EYS: variants seen among roughly 807,000 people sequenced by gnomAD.
EYS encodes the protein protein eyes shut homolog.
In EYS, 250 loss-of-function variants were observed where a neutral mutation model predicts 282.1. The observed-to-expected ratio is 0.89, with a 90% CI of 0.80 to 0.98. The LOEUF is 0.98. Ranked by LOEUF, EYS falls within the 50% of genes least tolerant of loss-of-function variation. The pLI is 0.00. For synonymous variants in EYS, 1,355 were observed against 1,282.9 expected (o/e 1.06, Z -1.20); for missense variants, 4,016 against 3,709.0 (o/e 1.08, Z -2.15).
chr6:64,399,778 C>A (rs1054572356), intron 28 of EYS, among the ~76,000 whole-genome samples: 4 of 151,858 alleles, frequency 2.6e-5, no homozygotes, highest in African/African-American at 9.7e-5. Flanking sequence ...ATCAAGATGA[C>A]TGAATTTTTG....
chr6:65,419,174 C>CG (rs1562167982), intron 5 of EYS, among the ~76,000 whole-genome samples: 1 of 151,570 alleles, frequency 6.6e-6, no homozygotes, highest in Non-Finnish European at 1.5e-5. Flanking sequence ...GTATAACTTA[C>CG]GGATGTATAA....
At chr6:65,385,701 C>T (rs1022111200) in intron 7 of EYS, among the ~76,000 whole-genome samples, 1 of 151,838 alleles carries the variant, frequency 6.6e-6, no homozygotes, top group African/African-American at 2.4e-5. Flanking sequence ...TAAGTTTGTC[C>T]TAACTTTAAG....
chr6:65,272,041 C>A (rs546087702), intron 12 of EYS, among the ~76,000 whole-genome samples: 14 of 152,168 alleles, frequency 9.2e-5, no homozygotes, highest in African/African-American at 3.4e-4. Flanking sequence ...TGTGTACATG[C>A]GCTTAAACTG....
At chr6:64,996,696 C>T (rs1771275561) in intron 14 of EYS, among the ~76,000 whole-genome samples, 3 of 152,188 alleles carry the variant, frequency 2.0e-5, no homozygotes, top group Non-Finnish European at 4.4e-5. Flanking sequence ...CATTAGGTAT[C>T]TGCAGTCCTT....
chr6:64,515,185 T>C (rs749444022), intron 26 of EYS, among the ~76,000 whole-genome samples: 6 of 151,840 alleles, frequency 4.0e-5, no homozygotes, highest in Middle Eastern at 3.4e-3. Context: ...CATTTTGTAA[T>C]AATATAGGCA....
Position 63,832,521 on chromosome 6 carries a change from C to A in EYS, c.7229-26149G>T, listed in dbSNP as rs552705050. 5.0e-4 allele frequency among the ~76,000 whole-genome samples: 76 copies of A among 152,086 alleles called. 1 individual carries two copies. The highest frequency in any genetic ancestry group is 6.8e-3 in the Middle Eastern group (2 of 294). ...CCCTCCCAACACTAAACCAGGAAGACGTTGAATCCCTGAATAGACCAATAA... is the reference window on the plus strand; with the variant it reads ...CCCTCCCAACACTAAACCAGGAAGAAGTTGAATCCCTGAATAGACCAATAA... On this transcript the variant is annotated intron_variant, in intron 36 of 42. Transcript: ENST00000503581.
At chr6:65,358,410 G>GT (rs1166428705) in intron 8 of EYS, among the ~76,000 whole-genome samples, 2 of 151,918 alleles carry the variant, frequency 1.3e-5, no homozygotes, top group African/African-American at 2.4e-5. Context: ...GGGACTTTCT[G>GT]TTTTTAAAAG....
At chr6:64,252,612 C>G (rs1767259249) in intron 30 of EYS, among the ~76,000 whole-genome samples, 1 of 152,168 alleles carries the variant, frequency 6.6e-6, no homozygotes. Context: ...CAAGCTGGTT[C>G]TGCCTCTTGA....
chr6:65,645,248 A>G (rs6906222), intron 1 of EYS, among the ~76,000 whole-genome samples: 34,221 of 152,062 alleles, frequency 0.23, 4,550 homozygotes, highest in African/African-American at 0.38. Context: ...GTTCATCAGC[A>G]TATGGAACAT....
At chr6:64,936,661 C>T (rs931453432) in intron 15 of EYS, among the ~76,000 whole-genome samples, 1 of 151,296 alleles carries the variant, frequency 6.6e-6, no homozygotes, top group African/African-American at 2.4e-5. Flanking sequence ...GGCATGAAGA[C>T]AATTCCATTT....
intron 29 of EYS, among the ~76,000 whole-genome samples, chr6:64,340,948 C>T (rs189346428): frequency 6.6e-6 from 1 of 151,684 alleles, no homozygotes; most frequent in African/African-American, 2.4e-5. Context: ...AAATGGCCAA[C>T]AAACATCTGA....
chr6:64,686,806 T>TATATATATAC (rs1770137953), intron 22 of EYS, among the ~76,000 whole-genome samples: 5 of 61,260 alleles, frequency 8.2e-5, no homozygotes, highest in African/African-American at 2.4e-4. Flanking sequence ...TATATATATG[T>TATATATATAC]GTGTATATAT....
At chr6:64,954,409 T>C (rs951935906) in intron 14 of EYS, among the ~76,000 whole-genome samples, 1 of 152,182 alleles carries the variant, frequency 6.6e-6, no homozygotes, top group Non-Finnish European at 1.5e-5. Context: ...ATCTTCCTTA[T>C]TGACTCAATT....
At chr6:65,393,129 A>T (rs1366104700) in intron 7 of EYS, among the ~76,000 whole-genome samples, 10 of 151,560 alleles carry the variant, frequency 6.6e-5, no homozygotes, top group Non-Finnish European at 1.3e-4. Context: ...CAATGAGAAC[A>T]CATGGACACA....
intron 13 of EYS, among the ~76,000 whole-genome samples, chr6:65,023,485 G>T (rs1044074916): frequency 3.3e-5 from 5 of 152,136 alleles, no homozygotes; most frequent in Non-Finnish European, 7.3e-5. Context: ...TGTTTTTGTT[G>T]TTGTTGAAGT....
intron 15 of EYS, among the ~76,000 whole-genome samples, chr6:64,920,446 CG>C (rs1306306896): frequency 7.2e-5 from 11 of 151,952 alleles, no homozygotes; most frequent in Admixed American, 3.3e-4. Context: ...TGTGTGTAAG[CG>C]GAAAATTGAT....
chr6:64,514,879 G>T (rs1777518016), intron 26 of EYS, among the ~76,000 whole-genome samples: 1 of 151,754 alleles, frequency 6.6e-6, no homozygotes, highest in Non-Finnish European at 1.5e-5. Context: ...AGTAAGAAAA[G>T]CATAAGGGTG....
At chr6:63,744,719 C>T (rs1424634975) in intron 41 of EYS, 1 of 170,778 alleles carries the variant, frequency 5.9e-6, no homozygotes, top group Admixed American at 6.6e-5. Context: ...GGGCGCCCAC[C>T]ACTACACCCG....
At chr6:63,806,434 G>A in intron 36 of EYS, 62 bp from the exon 37 acceptor site, 1 of 1,388,018 alleles carries the variant, frequency 7.2e-7, no homozygotes, top group Non-Finnish European at 9.6e-7. Context: ...TAAAGTGAGG[G>A]TTACGTTTTG....
Sources: gnomAD v4.1 joint callset for allele counts (sites outside exome capture counted in the v4.1 genomes callset) on GRCh38, gnomAD v4.1.1 for gene constraint, MANE v1.5 for transcripts, NCBI Gene and HGNC (gene_info 2026-07-23, HGNC 2026-07-21) for gene names.